The following PTPRD variants were observed in gnomAD, a reference collection of about 807,000 sequenced individuals.
PTPRD encodes receptor-type tyrosine-protein phosphatase delta.
A neutral mutation model predicts 214.5 loss-of-function variants in PTPRD; 34 were observed. The ratio of observed to expected loss-of-function variants is 0.16; its 90% confidence interval spans 0.12 to 0.21. The LOEUF (loss-of-function observed/expected upper bound fraction) is 0.21, where lower values mean the gene tolerates loss of function less well. Ranked by LOEUF, PTPRD falls within the 10% of genes least tolerant of loss-of-function variation. PTPRD has a pLI of 1.00. For missense variants in PTPRD, 2,545 were observed against 2,398.7 expected, an observed-to-expected ratio of 1.06 and a Z score of -1.27; for synonymous variants, 1,128 against 845.7, an observed-to-expected ratio of 1.33 and a Z score of -5.79.
At chr9:8,798,343 T>C (rs2154516049) in intron 11 of PTPRD, among the ~76,000 whole-genome samples, 1 of 152,266 alleles carries the variant, frequency 6.6e-6, no homozygotes, top group South Asian at 2.1e-4. Context: ...AAAAATTTTT[T>C]AACAGTTTAA....
chr9:8,321,041 C>T (rs1161153561), intron 44 of PTPRD, among the ~76,000 whole-genome samples: 1 of 152,002 alleles, frequency 6.6e-6, no homozygotes, highest in African/African-American at 2.4e-5. Flanking sequence ...ACAGTCTAAA[C>T]AGAAATGTTA....
At chr9:9,569,185 C>CA (rs2085553992) in intron 8 of PTPRD, among the ~76,000 whole-genome samples, 1 of 151,204 alleles carries the variant, frequency 6.6e-6, no homozygotes, top group African/African-American at 2.4e-5. Context: ...CATGTATCAA[C>CA]ACAGATGATA....
At chr9:9,001,973 CTGTG>C (rs71500972) in intron 11 of PTPRD, among the ~76,000 whole-genome samples, 1 of 113,466 alleles carries the variant, frequency 8.8e-6, no homozygotes, top group Non-Finnish European at 1.7e-5. Context: ...CACTAGCTCC[CTGTG>C]TGTGTGTGTG....
intron 9 of PTPRD, among the ~76,000 whole-genome samples, chr9:9,374,639 G>C (rs1417961149): frequency 6.6e-6 from 1 of 152,158 alleles, no homozygotes; most frequent in Non-Finnish European, 1.5e-5. Flanking sequence ...ATTTCTCCCA[G>C]GTTAAAACCC....
chr9:8,694,342 G>A (rs1024979226), intron 12 of PTPRD, among the ~76,000 whole-genome samples: 2 of 151,818 alleles, frequency 1.3e-5, no homozygotes, highest in African/African-American at 4.8e-5. Context: ...ATCCATAGAG[G>A]TATCCAATTT....
chr9:9,404,830 G>C (rs1254404610), intron 8 of PTPRD, among the ~76,000 whole-genome samples: 1 of 152,042 alleles, frequency 6.6e-6, no homozygotes, highest in South Asian at 2.1e-4. Context: ...TATTAAGAGT[G>C]GGAACTGAAG....
At chr9:10,573,714 T>A (rs540787186) in intron 2 of PTPRD, among the ~76,000 whole-genome samples, 1 of 152,232 alleles carries the variant, frequency 6.6e-6, no homozygotes, top group Admixed American at 6.5e-5. Flanking sequence ...GAAATAGTAT[T>A]TGTATCTCAA....
chr9:9,968,661 A>G (rs1383455049), intron 4 of PTPRD, among the ~76,000 whole-genome samples: 2 of 152,138 alleles, frequency 1.3e-5, no homozygotes, highest in South Asian at 4.1e-4. Flanking sequence ...TCCTTTCTTT[A>G]TGAATTCTGA....
intron 11 of PTPRD, among the ~76,000 whole-genome samples, chr9:8,885,768 A>T (rs1312675960): frequency 6.6e-6 from 1 of 152,008 alleles, no homozygotes; most frequent in African/African-American, 2.4e-5. Context: ...ATGTGCTGGG[A>T]TTATCAGCGT....
At chr9:8,636,910 G>C (rs757197939) in intron 12 of PTPRD, 66 bp from the exon 13 acceptor site, 1 of 1,515,404 alleles carries the variant, frequency 6.6e-7, no homozygotes, top group Admixed American at 1.8e-5. Context: ...TCCTACTACC[G>C]CTGCTCTCCC....
chr9:10,017,956 C>G (rs2096757585), intron 4 of PTPRD, among the ~76,000 whole-genome samples: 1 of 152,166 alleles, frequency 6.6e-6, no homozygotes, highest in Admixed American at 6.5e-5. Flanking sequence ...CCCCAGAGAT[C>G]TCCCCCATGG....
chr9:8,983,861 G>T (rs61632154), intron 11 of PTPRD, among the ~76,000 whole-genome samples: 2,810 of 151,766 alleles, frequency 0.019, 90 homozygotes, highest in African/African-American at 0.062. Context: ...TCTAATCTAG[G>T]TATTATCATT....
At chr9:8,480,304 TC>T (rs1384994139) in intron 30 of PTPRD, among the ~76,000 whole-genome samples, 1 of 152,132 alleles carries the variant, frequency 6.6e-6, no homozygotes, top group Non-Finnish European at 1.5e-5. Flanking sequence ...CCAGCTAACT[TC>T]CTGTCACTTT....
chr9:8,643,553 C>T (rs1018946761), intron 12 of PTPRD, among the ~76,000 whole-genome samples: 1 of 152,192 alleles, frequency 6.6e-6, no homozygotes, highest in Non-Finnish European at 1.5e-5. Context: ...CTCAGGGACG[C>T]AGGGCATAGG....
intron 21 of PTPRD, among the ~76,000 whole-genome samples, chr9:8,516,798 CTTTTTTTTTT>C (rs71500960): frequency 9.3e-6 from 1 of 107,892 alleles, no homozygotes; most frequent in Non-Finnish European, 1.8e-5. Context: ...CAAGAATAAA[CTTTTTTTTTT>C]TTTTTTTTTT....
chr9:9,572,287 A>C (rs1194076479), intron 8 of PTPRD, among the ~76,000 whole-genome samples: 1 of 151,394 alleles, frequency 6.6e-6, no homozygotes, highest in Non-Finnish European at 1.5e-5. Context: ...TGATTTTCAA[A>C]CCCATAATTG....
intron 14 of PTPRD, among the ~76,000 whole-genome samples, chr9:8,538,041 T>C (rs909622831): frequency 2.0e-5 from 3 of 151,992 alleles, no homozygotes; most frequent in Middle Eastern, 3.2e-3. Context: ...TATTAATACC[T>C]GAACGTTTAA....
intron 7 of PTPRD, among the ~76,000 whole-genome samples, chr9:9,577,140 G>T (rs2089148983): frequency 6.6e-6 from 1 of 152,060 alleles, no homozygotes; most frequent in Admixed American, 6.6e-5. Context: ...GGTCTTCCAA[G>T]GACAAATCCA....
At chr9:8,733,410 A>G (rs2098681538) in intron 12 of PTPRD, among the ~76,000 whole-genome samples, 2 of 152,198 alleles carry the variant, frequency 1.3e-5, no homozygotes, top group Non-Finnish European at 2.9e-5. Flanking sequence ...ATCCACAAAA[A>G]TAAAGAAATT....
Sources: allele counts gnomAD v4.1 joint callset (sites outside exome capture counted in the v4.1 genomes callset), GRCh38; gene constraint gnomAD v4.1.1; transcripts MANE v1.5; gene names NCBI Gene and HGNC (gene_info 2026-07-23, HGNC 2026-07-21).